ESPL1: variants seen among roughly 807,000 people sequenced by gnomAD.
ESPL1 encodes the protein separin.
ESPL1 carries 50 observed loss-of-function variants against 217.2 expected under a neutral mutation model. That is an observed-to-expected ratio of 0.23 (90% CI 0.18 to 0.29). The LOEUF (loss-of-function observed/expected upper bound fraction) is 0.29, where lower values mean the gene tolerates loss of function less well. ESPL1 is among the 10% of genes least tolerant of loss of function. ESPL1 has a pLI of 1.00. For synonymous variants in ESPL1, 994 were observed against 1,081.3 expected (o/e 0.92, Z 1.58); for missense variants, 1,834 against 2,603.0 (o/e 0.70, Z 6.43).
At position 53,291,681 on chromosome 12, in the gene ESPL1, T is replaced by G. The variant is rs767864765; in HGVS notation, c.5521-9T>G. 1.2e-6 allele frequency: 2 copies of G among 1,612,670 alleles called. No homozygotes were observed. Among genetic ancestry groups the G allele is most frequent in the South Asian group, 2.2e-5 (2 of 90,884 alleles). On this transcript the variant is annotated splice_polypyrimidine_tract_variant and intron_variant, in intron 25 of 30. Transcript: ENST00000257934. The stretch of plus-strand genomic sequence containing the variant: ...GAAGATGGTGCTCACCACCACTGTT[T>G]CCCTGCAGATCATGCTCAGTGGTGC...
At chr12:53,288,364 G>T in intron 19 of ESPL1, 23 bp downstream of exon 19, 1 of 1,572,246 alleles carries the variant, frequency 6.4e-7, no homozygotes. Flanking sequence ...GGGTGAGGTG[G>T]AAGGTGCATG....
intron 7 of ESPL1, among the ~76,000 whole-genome samples, chr12:53,275,758 G>T (rs1333820709): frequency 6.8e-6 from 1 of 146,750 alleles, no homozygotes; most frequent in Non-Finnish European, 1.5e-5. Flanking sequence ...TAGAGACAAG[G>T]TCTCACTATG....
chr12:53,281,657 C>T (rs1943864738), intron 13 of ESPL1, 31 bp downstream of exon 13: 2 of 1,600,082 alleles, frequency 1.2e-6, no homozygotes, highest in Non-Finnish European at 1.7e-6. Flanking sequence ...CTCCGAAGGC[C>T]CTGGGTATTA....
chr12:53,274,575 G>A, intron 6 of ESPL1: 1 of 427,672 alleles, frequency 2.3e-6, no homozygotes, highest in Non-Finnish European at 4.2e-6. Context: ...TACAGGAGAA[G>A]CAGGTTTTCA....
In ESPL1 at chr12:53,281,424, C is replaced by A. The variant is rs554790444; in HGVS notation, c.2500-83C>A. On this transcript the variant is annotated intron_variant, in intron 12 of 30. Coordinates refer to ENST00000257934, the MANE Select transcript of ESPL1 (RefSeq NM_012291.5). Reference sequence around the variant, plus strand: ...AAAGTGCTGGGATTACAGGTGTGAGCCACATGGCCACCCTTATTTACTCCA... The same window carrying A: ...AAAGTGCTGGGATTACAGGTGTGAGACACATGGCCACCCTTATTTACTCCA... 3.1e-5 allele frequency: 45 copies of A among 1,431,478 alleles called. No homozygotes were observed. The African/African-American group carries it at 5.6e-4, about 18-fold the overall frequency. The allele number at this position is 1,431,478 out of a possible 1,614,324, so 88.7% of individuals were successfully genotyped here. A position where few individuals can be genotyped will look rare whatever the true frequency, so the allele number is the denominator to read the frequency against.
In ESPL1 at chr12:53,288,674, G is replaced by T. The variant is rs992677593; in HGVS notation, c.4683G>T (p.Arg1561=). Residue 1561 remains arginine, a synonymous_variant, in exon 20 of 31, where the codon CGG becomes CGT. Coordinates refer to ENST00000257934, the MANE Select transcript of ESPL1 (RefSeq NM_012291.5). Reference sequence around the variant, plus strand: ...ACAAGGACCTTGGTCCTCGGCTCCGGCTCCCCTCAGCCCCCGTAGCCACTG... The same window carrying T: ...ACAAGGACCTTGGTCCTCGGCTCCGTCTCCCCTCAGCCCCCGTAGCCACTG... ...ESDKDLGPRL[R]LPSAPVATGL... 3.7e-6 allele frequency: 6 copies of T among 1,613,186 alleles called. No homozygotes were observed. The highest frequency in any genetic ancestry group is 5.1e-6 in the Non-Finnish European group (6 of 1,179,842).
Position 53,277,043 on chromosome 12 carries a change from C to T in ESPL1, c.1941-40C>T, listed in dbSNP as rs1429230576. 2.5e-6 allele frequency: 4 copies of T among 1,601,424 alleles called. No individual in the cohort carries two copies. In the South Asian group the frequency reaches 3.3e-5, roughly 13 times the overall value. ...CCTTCCCAGGGCGCTATGGCAGATACTCATAGTAGGCCCAGCTTAAGCACA... is the reference window on the plus strand; with the variant it reads ...CCTTCCCAGGGCGCTATGGCAGATATTCATAGTAGGCCCAGCTTAAGCACA... On this transcript the variant is annotated intron_variant, in intron 8 of 30. Transcript: ENST00000257934.
chr12:53,282,362 G>A lies in ESPL1; in HGVS notation c.2718G>A (p.Gln906=). 1.2e-6 allele frequency: 2 copies of A among 1,614,138 alleles called. No individual in the cohort carries two copies. Among genetic ancestry groups the A allele is most frequent in the Non-Finnish European group, 1.7e-6 (2 of 1,180,002 alleles). The part of the protein sequence containing the change: ...AWYLLRVQVL[Q]LVAAYLSLPS... ...ACTTGCTGCGTGTCCAGGTCCTGCA[G>A]CTGGTGGCAGCTTACCTTAGCCTCC... is the stretch of plus-strand genomic sequence containing the variant. The change falls in exon 14 of 31, where the codon CAG becomes CAA. Residue 906 remains glutamine, a synonymous_variant. Transcript: ENST00000257934. The surrounding 1 kb of genome is among the most constrained non-coding windows in gnomAD (Gnocchi z 4.0).
rs1461916080 is a variant in ESPL1 at position 53,292,533 on chromosome 12, C to T, written c.5913-41C>T. ...TGCTGTCTTTGCCACCTGACCCCTGCCATGCATTTCCCTATTCTCACACCT... is the reference window on the plus strand; with the variant it reads ...TGCTGTCTTTGCCACCTGACCCCTGTCATGCATTTCCCTATTCTCACACCT... On this transcript the variant is annotated intron_variant, in intron 28 of 30. Transcript: ENST00000257934. This position sits in a 1 kb window ranked among gnomAD's most constrained non-coding sequence, Gnocchi z 4.5. The T allele has an allele frequency of 6.5e-7, 1 of 1,542,746 alleles. No individual in the cohort carries two copies. The highest frequency in any genetic ancestry group is 2.2e-5 in the East Asian group (1 of 44,588).
chr12:53,287,915 C>A, intron 18 of ESPL1, 57 bp from the exon 19 acceptor site: 1 of 1,507,212 alleles, frequency 6.6e-7, no homozygotes, highest in Non-Finnish European at 8.9e-7. Context: ...CCTGCTGTCA[C>A]AAGGTGTCTT....
chr12:53,293,335 C>T lies in ESPL1; in HGVS notation c.6224C>T (p.Ala2075Val). ...TDRDIDRYTE[A>V]LLQGWLGAGP... ...CGCGACATTGACCGCTACACGGAAG[C>T]TCTGCTGCAAGGCTGGCTTGGAGCA... The change falls in exon 31 of 31, where the codon GCT becomes GTT. Residue 2075 changes from alanine (A) to valine (V), a missense_variant. Ala to Val is a moderately conservative substitution (Grantham distance 64, BLOSUM62 0). Around this residue, in one of 5 missense-constraint regions of ESPL1, gnomAD observed 295 missense variants for 519.8 expected, o/e 0.57. Coordinates refer to ENST00000257934, the MANE Select transcript of ESPL1 (RefSeq NM_012291.5). This position sits in a 1 kb window ranked among gnomAD's most constrained non-coding sequence, Gnocchi z 4.2. The T allele has an allele frequency of 6.2e-7, 1 of 1,614,204 alleles. No homozygotes were observed. The highest frequency in any genetic ancestry group is 1.1e-5 in the South Asian group (1 of 91,086).
Position 53,277,002 on chromosome 12 carries a change from C to T in ESPL1, c.1941-81C>T, listed in dbSNP as rs1943776975. The stretch of plus-strand genomic sequence containing the variant: ...GAGCACATGCAAAGGGCGAGGCCAG[C>T]TGTTCTGCAGCTAGCCCTTCCCAGG... On this transcript the variant is annotated intron_variant, in intron 8 of 30. Coordinates refer to ENST00000257934, the MANE Select transcript of ESPL1 (RefSeq NM_012291.5). 13 of 1,570,392 alleles carry T rather than the reference C, an allele frequency of 8.3e-6. No homozygotes were observed. The East Asian group carries it at 2.9e-4, about 35-fold the overall frequency.
chr12:53,280,684 A>T (rs1000497413), intron 12 of ESPL1, among the ~76,000 whole-genome samples: 2 of 152,040 alleles, frequency 1.3e-5, no homozygotes, highest in African/African-American at 4.8e-5. Flanking sequence ...TACTCTGTAT[A>T]TAGCTTTAAT....
chr12:53,288,450 T>C (rs1315881013), intron 19 of ESPL1, 88 bp from the exon 20 acceptor site: 5 of 1,535,838 alleles, frequency 3.3e-6, no homozygotes, highest in African/African-American at 2.8e-5. Flanking sequence ...GTTCTTTTGC[T>C]GACTCTAAGG....
intron 24 of ESPL1, 101 bp from the exon 25 acceptor site, chr12:53,290,740 T>G (rs963340472): frequency 3.7e-6 from 4 of 1,074,972 alleles, no homozygotes; most frequent in Non-Finnish European, 4.0e-6. Context: ...AAGACAGACA[T>G]GCACATTGGA....
chr12:53,285,888 C>T lies in ESPL1; in HGVS notation c.3188-36C>T, dbSNP rs774003366. 3.3e-6 allele frequency: 5 copies of T among 1,504,712 alleles called. No homozygotes were observed. The South Asian group carries it at 6.8e-5, about 21-fold the overall frequency. 93.2% of individuals were successfully genotyped at this position (1,504,712 alleles called of 1,614,324 possible). On this transcript the variant is annotated intron_variant, in intron 17 of 30. Transcript: ENST00000257934. ...TCAGGAAGTGCTTGATGCCATTTCT[C>T]CCCGTTTTGTAATTCTTGTTCTGCC...
At chr12:53,283,003 G>A in intron 14 of ESPL1, 126 bp from the exon 15 acceptor site, 1 of 1,250,410 alleles carries the variant, frequency 8.0e-7, no homozygotes, top group Non-Finnish European at 1.1e-6. Context: ...AAGGAGTTAT[G>A]AGATTGATTA....
intron 15 of ESPL1, 45 bp from the exon 16 acceptor site, chr12:53,283,337 C>T (rs776655405): frequency 6.2e-7 from 1 of 1,612,222 alleles, no homozygotes; most frequent in Non-Finnish European, 8.5e-7. Flanking sequence ...TCCAGAGGAT[C>T]CACACTGTGG....
In ESPL1 at chr12:53,277,455, G is replaced by A. The variant is rs758207799; in HGVS notation, c.2086-15G>A. 5.6e-6 allele frequency: 9 copies of A among 1,612,498 alleles called. No individual in the cohort carries two copies. The highest frequency in any genetic ancestry group is 3.3e-5 in the South Asian group (3 of 90,818). ...ACCACTGTGCCCTGTTTTATACCCC[G>A]ATCTTCCCATCCAGGGTATCGAGCG... On this transcript the variant is annotated splice_polypyrimidine_tract_variant and intron_variant, in intron 9 of 30. Coordinates refer to ENST00000257934, the MANE Select transcript of ESPL1 (RefSeq NM_012291.5).
Sources: allele counts gnomAD v4.1 joint callset (sites outside exome capture counted in the v4.1 genomes callset), GRCh38; gene constraint gnomAD v4.1.1; regional missense constraint gnomAD v4.1.1; non-coding constraint Gnocchi (gnomAD v3.1); transcripts MANE v1.5; gene names NCBI Gene and HGNC (gene_info 2026-07-23, HGNC 2026-07-21).